The following ZNF692 variants were observed in gnomAD, a reference collection of about 807,000 sequenced individuals.
ZNF692 encodes the protein zinc finger protein 692.
ZNF692 carries 41 observed loss-of-function variants against 49.0 expected under a neutral mutation model. The ratio of observed to expected loss-of-function variants is 0.84; its 90% CI spans 0.65 to 1.08. The LOEUF (loss-of-function observed/expected upper bound fraction) is 1.08. Among genes scored for constraint, ZNF692 ranks in the 50% least tolerant of loss-of-function variants. ZNF692 has a pLI of 0.00. For synonymous variants in ZNF692, 288 were observed against 251.5 expected, an observed-to-expected ratio of 1.15 and a Z score of -1.37; for missense variants, 662 against 662.2, an observed-to-expected ratio of 1.00 and a Z score of 0.00.
At chr1:248,857,599 A>C in intron 3 of ZNF692, 102 bp from the exon 4 acceptor site, 1 of 1,512,396 alleles carries the variant, frequency 6.6e-7, no homozygotes, top group East Asian at 2.3e-5. Flanking sequence ...CCCCAGGGCA[A>C]CCTCAGCCCC....
rs1660357670 is a variant in ZNF692 at position 248,857,341 on chromosome 1, C to T, written c.368G>A (p.Gly123Glu). 2.5e-6 allele frequency: 4 copies of T among 1,614,138 alleles called. No homozygotes were observed. Among genetic ancestry groups the T allele is most frequent in the Non-Finnish European group, 3.4e-6 (4 of 1,180,008 alleles). ...TGAAGGTGTAGGGCTCAAAGAGGGT[C>T]CCCAGGAGAAGGTATGGCCTGCTGA... ...ECSAGHTFSW[G>E]PSLSPTPSEA... Residue 123 changes from glycine (G) to glutamate (E), a missense_variant, in exon 4 of 12, where the codon GGA becomes GAA. By Grantham distance (98) the Gly-to-Glu change is moderately conservative. Transcript: ENST00000306601.
In ZNF692 at chr1:248,857,787, C is replaced by T. The variant is rs764264600; in HGVS notation, c.211+41G>A. ...GTGTTTCTGGGTCACCCTGTGGTCCCTCTTCCCTCTGGCTCTCACCCCCTG... is the reference window on the plus strand; with the variant it reads ...GTGTTTCTGGGTCACCCTGTGGTCCTTCTTCCCTCTGGCTCTCACCCCCTG... On this transcript the variant is annotated intron_variant, in intron 3 of 11. Coordinates refer to ENST00000306601, the MANE Select transcript of ZNF692 (RefSeq NM_017865.4). The T allele has an allele frequency of 3.1e-6, 5 of 1,607,942 alleles. No individual in the cohort carries two copies. In the East Asian group the frequency reaches 8.9e-5, roughly 29 times the overall value.
chr1:248,850,570 C>A, intron 11 of ZNF692, 54 bp from the exon 12 acceptor site: 2 of 1,591,292 alleles, frequency 1.3e-6, no homozygotes, highest in Non-Finnish European at 8.6e-7. Flanking sequence ...ATCATGACTT[C>A]CCTAGGGGGT....
intron 10 of ZNF692, among the ~76,000 whole-genome samples, chr1:248,851,451 C>G (rs890783273): frequency 6.6e-6 from 1 of 152,084 alleles, no homozygotes; most frequent in African/African-American, 2.4e-5. Flanking sequence ...ACCCACCAAA[C>G]CTCAGGGTGT....
chr1:248,858,041 G>A lies in ZNF692; in HGVS notation c.179+90C>T. The stretch of plus-strand genomic sequence containing the variant: ...TCCTGGTAAAGTGAGAAACCTGAGG[G>A]TGGAAAAGAGCAGCAGGACAGGCCC... On this transcript the variant is annotated intron_variant, in intron 2 of 11. Transcript: ENST00000306601. This position sits in a 1 kb window ranked among gnomAD's most constrained non-coding sequence, Gnocchi z 4.3. 1 of 1,547,928 alleles carries A rather than the reference G, an allele frequency of 6.5e-7. No homozygotes were observed. Among genetic ancestry groups the A allele is most frequent in the East Asian group, 2.4e-5 (1 of 42,074 alleles).
Position 248,858,865 on chromosome 1 carries a change from G to T in ZNF692, c.-13+53C>A. ...GTGGAGCGGACTAATCCCAATGGCA[G>T]TTCCCAGGCTGCCCAGAGCCCCCGT... On this transcript the variant is annotated intron_variant, in intron 1 of 11. Transcript: ENST00000306601. This position sits in a 1 kb window ranked among gnomAD's most constrained non-coding sequence, Gnocchi z 4.3. The T allele has an allele frequency of 4.9e-6, 2 of 404,334 alleles. No homozygotes were observed. The highest frequency in any genetic ancestry group is 2.7e-5 in the South Asian group (1 of 36,742). 25.0% of individuals were successfully genotyped at this position (404,334 alleles called of 1,614,324 possible). A position where few individuals can be genotyped will look rare whatever the true frequency, so the allele number is the denominator to read the frequency against.
Position 248,857,405 on chromosome 1 carries a change from C to T in ZNF692, c.304G>A (p.Gly102Arg), listed in dbSNP as rs538157730. 1.2e-5 allele frequency: 19 copies of T among 1,614,160 alleles called. No individual in the cohort carries two copies. The South Asian group carries it at 2.0e-4, about 17-fold the overall frequency. Residue 102 changes from glycine to arginine, a missense_variant, in exon 4 of 12, where the codon GGG becomes AGG. Gly to Arg is a moderately radical substitution (Grantham distance 125). Coordinates refer to ENST00000306601, the MANE Select transcript of ZNF692 (RefSeq NM_017865.4). ...RECSLVPGLRGPGGQDGGLVW... is the reference protein window; with the variant it reads ...RECSLVPGLRRPGGQDGGLVW... The stretch of plus-strand genomic sequence containing the variant: ...AGCCCCCCATCTTGGCCGCCAGGCC[C>T]CCGAAGCCCGGGCACCAGGCTGCAC...
rs1306792024 is a variant in ZNF692, at chr1:248,858,544, A to G, written c.-12-223T>C. The G allele has an allele frequency of 5.2e-6, 8 of 1,551,606 alleles. No homozygotes were observed. In the Admixed American group the frequency reaches 9.8e-5, roughly 19 times the overall value. On this transcript the variant is annotated intron_variant, in intron 1 of 11. Transcript: ENST00000306601. This position sits in a 1 kb window ranked among gnomAD's most constrained non-coding sequence, Gnocchi z 4.3. Reference sequence around the variant, plus strand: ...GTGTCGTCGGGTGGGAGGCAGGCAGACAGAAGCAGTCAGAACAAAGGCCTG... The same window carrying G: ...GTGTCGTCGGGTGGGAGGCAGGCAGGCAGAAGCAGTCAGAACAAAGGCCTG...
At position 248,850,635 on chromosome 1, in the gene ZNF692, C is replaced by G. The variant is rs757031915; in HGVS notation, c.1253+47G>C. On this transcript the variant is annotated intron_variant, in intron 11 of 11. Coordinates refer to ENST00000306601, the MANE Select transcript of ZNF692 (RefSeq NM_017865.4). Reference sequence around the variant, plus strand: ...TATATGCCTAGCTTCCAGACTCCACCTCCTCCCTTCTAGCCCCTGGCCCTC... The same window carrying G: ...TATATGCCTAGCTTCCAGACTCCACGTCCTCCCTTCTAGCCCCTGGCCCTC... 9.3e-6 allele frequency: 15 copies of G among 1,610,110 alleles called. No homozygotes were observed. In the East Asian group the frequency reaches 3.1e-4, roughly 34 times the overall value.
intron 9 of ZNF692, 194 bp from the exon 10 acceptor site, chr1:248,854,245 C>A: frequency 1.8e-6 from 1 of 553,668 alleles, no homozygotes; most frequent in South Asian, 2.1e-5. Context: ...AGTACCACAC[C>A]CATCCCATCC....
rs1198748360 is a variant in ZNF692, at chr1:248,858,291, C to G, written c.19G>C (p.Val7Leu). 1 of 1,571,070 alleles carries G rather than the reference C, an allele frequency of 6.4e-7. No homozygotes were observed. Among genetic ancestry groups the G allele is most frequent in the East Asian group, 2.3e-5 (1 of 43,488 alleles). The change falls in exon 2 of 12, where the codon GTG becomes CTG. Residue 7 changes from valine to leucine, a missense_variant. Transcript: ENST00000306601. The surrounding 1 kb of genome is among the most constrained non-coding windows in gnomAD (Gnocchi z 4.3). ...TCCCGCCGCCTGCAGGACACGTCCA[C>G]CGCCGGGGAGGAAGCCATGTGCACC... MASSPA[V>L]DVSCRRREKR... is the part of the protein sequence containing the mutation.
chr1:248,857,757 G>T, intron 3 of ZNF692, 71 bp downstream of exon 3: 4 of 1,579,340 alleles, frequency 2.5e-6, no homozygotes, highest in Non-Finnish European at 2.6e-6. Context: ...CCCTTTGAAA[G>T]GAGGGTGTTT....
rs1660524633 is a variant in ZNF692 at position 248,858,526 on chromosome 1, C to T, written c.-12-205G>A. ...CTCAGCGCTACCATGTGAGTGTCGTCGGGTGGGAGGCAGGCAGACAGAAGC... is the reference window on the plus strand; with the variant it reads ...CTCAGCGCTACCATGTGAGTGTCGTTGGGTGGGAGGCAGGCAGACAGAAGC... On this transcript the variant is annotated intron_variant, in intron 1 of 11. Coordinates refer to ENST00000306601, the MANE Select transcript of ZNF692 (RefSeq NM_017865.4). This position sits in a 1 kb window ranked among gnomAD's most constrained non-coding sequence, Gnocchi z 4.3. 1.3e-6 allele frequency: 2 copies of T among 1,551,582 alleles called. No individual in the cohort carries two copies. Among genetic ancestry groups the T allele is most frequent in the Admixed American group, 2.0e-5 (1 of 50,978 alleles).
In ZNF692 at chr1:248,858,527, G is replaced by T; in HGVS notation, c.-12-206C>A. ...TCAGCGCTACCATGTGAGTGTCGTC[G>T]GGTGGGAGGCAGGCAGACAGAAGCA... On this transcript the variant is annotated intron_variant, in intron 1 of 11. Transcript: ENST00000306601. This position sits in a 1 kb window ranked among gnomAD's most constrained non-coding sequence, Gnocchi z 4.3. 6.4e-7 allele frequency: 1 copy of T among 1,551,746 alleles called. No homozygotes were observed. Among genetic ancestry groups the T allele is most frequent in the Non-Finnish European group, 8.7e-7 (1 of 1,146,998 alleles).
Position 248,858,136 on chromosome 1 carries a change from C to A in ZNF692, c.174G>T (p.Leu58Phe). Residue 58 changes from leucine to phenylalanine, a missense_variant, in exon 2 of 12, where the codon TTG becomes TTT. By Grantham distance (22) the Leu-to-Phe change is conservative. Transcript: ENST00000306601. The surrounding 1 kb of genome is among the most constrained non-coding windows in gnomAD (Gnocchi z 4.3). ...CCCTTCTCCCGGCCCCTAACCGGTC[C>A]AACAGGAACTTGGCGAGCTGCGAGT... ...SLHSQLAKFLLDRYTSSGCVL... is the reference protein window; with the variant it reads ...SLHSQLAKFLFDRYTSSGCVL... 6.4e-7 allele frequency: 1 copy of A among 1,566,340 alleles called. No homozygotes were observed. Among genetic ancestry groups the A allele is most frequent in the Non-Finnish European group, 8.6e-7 (1 of 1,158,498 alleles).
rs1474247664 is a variant in ZNF692 at position 248,858,766 on chromosome 1, G to C, written c.-13+152C>G. 1.5e-5 allele frequency: 9 copies of C among 616,906 alleles called. No individual in the cohort carries two copies. Among genetic ancestry groups the C allele is most frequent in the South Asian group, 1.3e-4 (7 of 52,954 alleles). The allele number at this position is 616,906 out of a possible 1,614,324, so 38.2% of individuals were successfully genotyped here. On this transcript the variant is annotated intron_variant, in intron 1 of 11. Transcript: ENST00000306601. The surrounding 1 kb of genome is among the most constrained non-coding windows in gnomAD (Gnocchi z 4.3). ...TCATAGTTGGGTCGAGTGGCGGTGAGGCCGTGGTCAGAGGTCTGGAGGGCG... is the reference window on the plus strand; with the variant it reads ...TCATAGTTGGGTCGAGTGGCGGTGACGCCGTGGTCAGAGGTCTGGAGGGCG...
Position 248,858,436 on chromosome 1 carries a change from C to T in ZNF692, c.-12-115G>A, listed in dbSNP as rs966002735. ...ATCAGTGAACTGGGGCAAGACTAAA[C>T]TATTTCAATAGCAGTGGCAGGTGTG... On this transcript the variant is annotated intron_variant, in intron 1 of 11. Transcript: ENST00000306601. The surrounding 1 kb of genome is among the most constrained non-coding windows in gnomAD (Gnocchi z 4.3). 2.8e-5 allele frequency: 44 copies of T among 1,551,248 alleles called. No individual in the cohort carries two copies. Among genetic ancestry groups the T allele is most frequent in the Non-Finnish European group, 3.8e-5 (43 of 1,146,656 alleles).
At chr1:248,851,279 C>G (rs1369152742) in intron 10 of ZNF692, among the ~76,000 whole-genome samples, 2 of 152,114 alleles carry the variant, frequency 1.3e-5, no homozygotes, top group African/African-American at 4.8e-5. Context: ...CCCACCTGTC[C>G]CAAACCCTAT....
chr1:248,851,402 G>A (rs1379953817), intron 10 of ZNF692, among the ~76,000 whole-genome samples: 1 of 152,064 alleles, frequency 6.6e-6, no homozygotes, highest in African/African-American at 2.4e-5. Flanking sequence ...CATGGTCACT[G>A]TGTGGCAGCA....
Sources: gnomAD v4.1 joint callset for allele counts (sites outside exome capture counted in the v4.1 genomes callset) on GRCh38, gnomAD v4.1.1 for gene constraint, Gnocchi (gnomAD v3.1) non-coding constraint, MANE v1.5 for transcripts, NCBI Gene and HGNC (gene_info 2026-07-23, HGNC 2026-07-21) for gene names.